The following SLC35F4 variants were observed in gnomAD, a reference collection of about 807,000 sequenced individuals.
SLC35F4 encodes chromosome 14 open reading frame 36.
SLC35F4 carries 24 observed loss-of-function variants against 44.2 expected under a neutral mutation model. That is an observed-to-expected ratio of 0.54 (90% confidence interval 0.39 to 0.76). The LOEUF is 0.76. Among genes scored for constraint, SLC35F4 ranks in the 30% least tolerant of loss-of-function variants. The probability of loss-of-function intolerance (pLI) is 0.00; values close to 1 mark genes in which losing one functional copy is unlikely to be tolerated. For missense variants in SLC35F4, 562 were observed against 586.1 expected (o/e 0.96, Z 0.42); for synonymous variants, 238 against 223.6 (o/e 1.06, Z -0.57).
At chr14:57,790,611 T>G (rs759431079) in intron 1 of SLC35F4, among the ~76,000 whole-genome samples, 9 of 152,168 alleles carry the variant, frequency 5.9e-5, no homozygotes, top group Non-Finnish European at 1.2e-4. Context: ...CCATTGACTT[T>G]CTTCACAGAA....
chr14:57,732,947 A>C (rs530053482), intron 1 of SLC35F4, among the ~76,000 whole-genome samples: 1 of 152,236 alleles, frequency 6.6e-6, no homozygotes, highest in South Asian at 2.1e-4. Context: ...AAAGTGCTAA[A>C]GTTTTTGAAG....
intron 1 of SLC35F4, among the ~76,000 whole-genome samples, chr14:57,818,666 C>G (rs1882861834): frequency 6.6e-6 from 1 of 152,200 alleles, no homozygotes; most frequent in Non-Finnish European, 1.5e-5. Flanking sequence ...AACAAAGGCT[C>G]AGACCTCTAA....
At chr14:57,823,568 GC>G (rs1174827860) in intron 1 of SLC35F4, among the ~76,000 whole-genome samples, 1 of 152,166 alleles carries the variant, frequency 6.6e-6, no homozygotes, top group Non-Finnish European at 1.5e-5. Context: ...CTGATATAGT[GC>G]CTGGTTCCTA....
chr14:57,807,569 T>G (rs1460650713), intron 1 of SLC35F4, among the ~76,000 whole-genome samples: 1 of 151,900 alleles, frequency 6.6e-6, no homozygotes, highest in East Asian at 1.9e-4. Context: ...GAGGAAGAGT[T>G]TTCATTCAGT....
At chr14:57,675,116 C>T (rs1479622057) in intron 1 of SLC35F4, among the ~76,000 whole-genome samples, 3 of 152,038 alleles carry the variant, frequency 2.0e-5, no homozygotes, top group African/African-American at 7.3e-5. Flanking sequence ...CAGAACAGTG[C>T]TTTCCTCTGG....
chr14:57,902,898 C>A (rs901716990), intron 1 of SLC35F4, among the ~76,000 whole-genome samples: 2 of 152,176 alleles, frequency 1.3e-5, no homozygotes, highest in Non-Finnish European at 2.9e-5. Flanking sequence ...TTAAATGGGA[C>A]CCCATCAGAG....
intron 1 of SLC35F4, among the ~76,000 whole-genome samples, chr14:57,923,100 G>A (rs976256046): frequency 1.3e-5 from 2 of 152,068 alleles, no homozygotes; most frequent in African/African-American, 2.4e-5. Flanking sequence ...GAATTAACTT[G>A]GCCAAGATGA....
rs3054446 is a variant in SLC35F4 at position 57,617,130 on chromosome 14, C to CTTT, written c.104-23009_104-23007dup. On this transcript the variant is annotated intron_variant, in intron 1 of 7. Transcript: ENST00000556826. ...CGAGCTCAGCTTAACTGTACTTATTCTTTTTTTTTTTTTTTTTTGAGACAG... is the reference window on the plus strand; with the variant it reads ...CGAGCTCAGCTTAACTGTACTTATTCTTTTTTTTTTTTTTTTTTTTTGAGACAG... Among the ~76,000 whole-genome samples the CTTT allele has an allele frequency of 1.9e-4, 19 of 99,260 alleles. 1 individual carries two copies. Among genetic ancestry groups the CTTT allele is most frequent in the South Asian group, 7.1e-4 (2 of 2,812 alleles). 65.1% of individuals were successfully genotyped at this position (99,260 alleles called of 152,430 possible).
In SLC35F4 at chr14:57,856,026, C is replaced by T. The variant is rs576382891; in HGVS notation, c.103+9697G>A. Among the ~76,000 whole-genome samples, 20 of 152,098 alleles carry T rather than the reference C, an allele frequency of 1.3e-4. 1 individual carries two copies. The highest frequency in any genetic ancestry group is 1.2e-3 in the Admixed American group (18 of 15,276). ...GACACAAGGCAGGGAACATCACACA[C>T]TGTCGGGGGTTGCTGTGTTGCCCAG... On this transcript the variant is annotated intron_variant, in intron 1 of 7. Coordinates refer to ENST00000556826, the MANE Select transcript of SLC35F4 (RefSeq NM_001306087.2).
chr14:57,754,904 A>G (rs957395928), intron 1 of SLC35F4, among the ~76,000 whole-genome samples: 24 of 152,186 alleles, frequency 1.6e-4, no homozygotes, highest in African/African-American at 5.5e-4. Flanking sequence ...AAGGAACATA[A>G]TAAGATAGGT....
At chr14:57,640,827 A>G (rs1594672415) in intron 1 of SLC35F4, among the ~76,000 whole-genome samples, 1 of 152,052 alleles carries the variant, frequency 6.6e-6, no homozygotes, top group East Asian at 1.9e-4. Flanking sequence ...TTGAGATGAG[A>G]AAAGAATTAG....
intron 1 of SLC35F4, among the ~76,000 whole-genome samples, chr14:57,773,680 A>G (rs1475331577): frequency 6.6e-6 from 1 of 152,156 alleles, no homozygotes; most frequent in Non-Finnish European, 1.5e-5. Flanking sequence ...CTAGAAAAAC[A>G]ATTGTTTAAC....
At chr14:57,675,859 T>G (rs1566751908) in intron 1 of SLC35F4, among the ~76,000 whole-genome samples, 2 of 152,172 alleles carry the variant, frequency 1.3e-5, no homozygotes, top group East Asian at 3.9e-4. Context: ...CCTGAAACCA[T>G]AAAAATTCTA....
At position 57,677,364 on chromosome 14, in the gene SLC35F4, T is replaced by C. The variant is rs561558931; in HGVS notation, c.104-83240A>G. ...CCTCAGAAATGACCACTAAAGACCT[T>C]ATCCATGTAACCAAAAACCTTCTTT... On this transcript the variant is annotated intron_variant, in intron 1 of 7. Coordinates refer to ENST00000556826, the MANE Select transcript of SLC35F4 (RefSeq NM_001306087.2). 3.3e-5 allele frequency among the ~76,000 whole-genome samples: 5 copies of C among 151,812 alleles called. No individual in the cohort carries two copies. The South Asian group carries it at 1.0e-3, about 32-fold the overall frequency.
At chr14:57,810,484 C>T (rs1268767656) in intron 1 of SLC35F4, among the ~76,000 whole-genome samples, 1 of 152,120 alleles carries the variant, frequency 6.6e-6, no homozygotes, top group African/African-American at 2.4e-5. Flanking sequence ...ACAGGGAGCC[C>T]CTCAAAATTA....
chr14:57,827,963 A>G (rs1325091799), intron 1 of SLC35F4, among the ~76,000 whole-genome samples: 4 of 152,196 alleles, frequency 2.6e-5, no homozygotes, highest in African/African-American at 9.6e-5. Context: ...TTGGTCATGA[A>G]GGAGCCCTAG....
chr14:57,980,491 TA>T lies in SLC35F4; in HGVS notation n.151+1421del, dbSNP rs1219616731. On this transcript the variant is annotated intron_variant and non_coding_transcript_variant, in intron 1 of 1. Coordinates refer to the SLC35F4 transcript ENST00000554648. ...CTTCCAGCTTCTCTGCCAGGTATTATAAAGCTTGAACTCCAGCCCCAGCAAG... is the reference window on the plus strand; with the variant it reads ...CTTCCAGCTTCTCTGCCAGGTATTATAAGCTTGAACTCCAGCCCCAGCAAG... 2.0e-5 allele frequency among the ~76,000 whole-genome samples: 3 copies of T among 152,132 alleles called. No individual in the cohort carries two copies. The East Asian group carries it at 5.8e-4, about 29-fold the overall frequency.
At chr14:57,772,630 G>A (rs1160265583) in intron 1 of SLC35F4, among the ~76,000 whole-genome samples, 1 of 152,030 alleles carries the variant, frequency 6.6e-6, no homozygotes, top group Admixed American at 6.5e-5. Flanking sequence ...TTTGATTTCG[G>A]GCTTTTGAGT....
chr14:57,663,179 G>A (rs2074193692), intron 1 of SLC35F4, among the ~76,000 whole-genome samples: 1 of 152,034 alleles, frequency 6.6e-6, no homozygotes, highest in Admixed American at 6.6e-5. Context: ...TCCCTACCAG[G>A]ACTCTACCTG....
Sources: gnomAD v4.1 joint callset for allele counts (sites outside exome capture counted in the v4.1 genomes callset) on GRCh38, gnomAD v4.1.1 for gene constraint, MANE v1.5 for transcripts, NCBI Gene and HGNC (gene_info 2026-07-23, HGNC 2026-07-21) for gene names.